TENM4: variants seen among roughly 807,000 people sequenced by gnomAD.
TENM4 encodes teneurin-4.
In TENM4, 82 loss-of-function variants were observed where a neutral mutation model predicts 243.3. That is an observed-to-expected ratio of 0.34 (90% CI 0.28 to 0.40). The LOEUF is 0.40. TENM4 is among the 10% of genes least tolerant of loss of function. The probability of loss-of-function intolerance (pLI) is 1.00; values close to 1 mark genes in which losing one functional copy is unlikely to be tolerated. For missense variants in TENM4, 3,138 were observed against 3,673.3 expected, an observed-to-expected ratio of 0.85 and a Z score of 3.77; for synonymous variants, 1,412 against 1,456.3, an observed-to-expected ratio of 0.97 and a Z score of 0.69.
chr11:78,924,673 G>A (rs2136397997), intron 6 of TENM4: 1 of 152,304 alleles, frequency 6.6e-6, no homozygotes, highest in Admixed American at 6.5e-5. Flanking sequence ...TTATGATGAT[G>A]ATAATGTTCG....
At position 79,409,103 on chromosome 11, in the gene TENM4, CGCGCGCGCGCGTGCGT is replaced by C. The variant is rs1858639967; in HGVS notation, c.-321+31390_-321+31405del. Among the ~76,000 whole-genome samples the C allele has an allele frequency of 1.3e-4, 7 of 55,236 alleles. No homozygotes were observed. In the South Asian group the frequency reaches 3.5e-3, roughly 28 times the overall value. The allele number at this position is 55,236 out of a possible 152,430, so 36.2% of individuals were successfully genotyped here. ...GTGTGTGTGTGTGTGTGTGTGTGTG[CGCGCGCGCGCGTGCGT>C]GCACGCGCACGCACATGCGTGAGAG... On this transcript the variant is annotated intron_variant, in intron 1 of 33. Transcript: ENST00000278550.
intron 15 of TENM4, among the ~76,000 whole-genome samples, chr11:78,787,389 T>C (rs1351442334): frequency 6.6e-6 from 1 of 152,210 alleles, no homozygotes; most frequent in African/African-American, 2.4e-5. Context: ...TGCTTCTCCT[T>C]CTTGCCAACC....
At chr11:79,401,417 T>C (rs1468319142) in intron 1 of TENM4, among the ~76,000 whole-genome samples, 2 of 152,218 alleles carry the variant, frequency 1.3e-5, no homozygotes, top group East Asian at 3.9e-4. Context: ...CTCTTTGAGA[T>C]GCAAAGGAAT....
intron 3 of TENM4, among the ~76,000 whole-genome samples, chr11:79,179,768 C>G (rs955235666): frequency 1.3e-4 from 20 of 151,760 alleles, no homozygotes; most frequent in African/African-American, 4.8e-4. Context: ...ATAGAAGGTG[C>G]TCAAAATAGT....
At chr11:79,246,021 G>C (rs1412818130) in intron 2 of TENM4, among the ~76,000 whole-genome samples, 1 of 150,032 alleles carries the variant, frequency 6.7e-6, no homozygotes, top group Non-Finnish European at 1.5e-5. Flanking sequence ...GTGAGTGAGA[G>C]AGAAAAAGAG....
intron 4 of TENM4, among the ~76,000 whole-genome samples, chr11:79,088,478 C>G (rs1860870217): frequency 6.6e-6 from 1 of 152,168 alleles, no homozygotes; most frequent in Non-Finnish European, 1.5e-5. Flanking sequence ...CGACTCCCAG[C>G]TCTGTGCGCC....
At chr11:78,892,215 G>T (rs1855684651) in intron 7 of TENM4, among the ~76,000 whole-genome samples, 1 of 152,200 alleles carries the variant, frequency 6.6e-6, no homozygotes, top group South Asian at 2.1e-4. Context: ...TCTCAACCAG[G>T]TCTGCTGAGT....
intron 5 of TENM4, among the ~76,000 whole-genome samples, chr11:79,068,665 G>T (rs1163246317): frequency 6.6e-6 from 1 of 152,184 alleles, no homozygotes; most frequent in African/African-American, 2.4e-5. Flanking sequence ...GCAAATCAGG[G>T]TGGGCTGCAC....
intron 4 of TENM4, among the ~76,000 whole-genome samples, chr11:79,077,181 C>G (rs1420685423): frequency 6.6e-6 from 1 of 152,114 alleles, no homozygotes; most frequent in Non-Finnish European, 1.5e-5. Flanking sequence ...CTGTGCCAAG[C>G]CTTGTTGGAG....
chr11:78,667,086 G>A (rs1488256514), intron 32 of TENM4, among the ~76,000 whole-genome samples: 1 of 152,154 alleles, frequency 6.6e-6, no homozygotes, highest in Non-Finnish European at 1.5e-5. Flanking sequence ...TAATGGAAAT[G>A]TCATCTCAAT....
intron 12 of TENM4, among the ~76,000 whole-genome samples, chr11:78,850,792 G>A (rs762514037): frequency 3.7e-4 from 57 of 152,150 alleles, no homozygotes; most frequent in Non-Finnish European, 6.0e-4. Flanking sequence ...CTATTTCTCT[G>A]TTTAATTTTC....
chr11:79,296,570 A>T (rs746255013), intron 2 of TENM4, among the ~76,000 whole-genome samples: 1 of 152,238 alleles, frequency 6.6e-6, no homozygotes, highest in Admixed American at 6.5e-5. Context: ...TCTCCCCAAC[A>T]TGATACTCAC....
At chr11:78,815,201 C>T (rs182866818) in intron 12 of TENM4, among the ~76,000 whole-genome samples, 69 of 152,236 alleles carry the variant, frequency 4.5e-4, no homozygotes, top group African/African-American at 1.6e-3. Context: ...GCCTGGCCAA[C>T]ATGGTGAATC....
At chr11:78,979,161 G>A (rs1191780110) in intron 6 of TENM4, among the ~76,000 whole-genome samples, 3 of 152,148 alleles carry the variant, frequency 2.0e-5, no homozygotes, top group Non-Finnish European at 4.4e-5. Flanking sequence ...TTGGAGGAGG[G>A]CAGTGCCAGC....
At chr11:78,765,369 C>T (rs1354773538) in intron 18 of TENM4, among the ~76,000 whole-genome samples, 2 of 152,158 alleles carry the variant, frequency 1.3e-5, no homozygotes, top group Non-Finnish European at 2.9e-5. Flanking sequence ...TGAAGGGTGA[C>T]CAAATTCTTT....
intron 6 of TENM4, among the ~76,000 whole-genome samples, chr11:79,046,652 A>G (rs747535763): frequency 2.6e-5 from 4 of 152,182 alleles, no homozygotes; most frequent in Non-Finnish European, 5.9e-5. Flanking sequence ...AAACCGTGTC[A>G]CAATCCAGGC....
At chr11:78,662,913 C>T (rs1210003858) in intron 32 of TENM4, among the ~76,000 whole-genome samples, 2 of 88,528 alleles carry the variant, frequency 2.3e-5, no homozygotes, top group Non-Finnish European at 6.7e-5. Context: ...TGCCATTTTT[C>T]TCAGGCACTG....
Position 79,064,823 on chromosome 11 carries a change from T to C in TENM4, c.408A>G (p.Thr136=). The change falls in exon 6 of 34, where the codon ACA becomes ACG. Residue 136 remains threonine (T), a synonymous_variant. Transcript: ENST00000278550. ...ACAGGCAGGAGCTGCGCCCTGACCG[T>C]GTGCTCCGGCCCCACAGACGCACGG... ...EHPVRLWGRS[T]RSGRSSCLSS... is the part of the protein sequence containing the mutation. 1 of 1,551,450 alleles carries C rather than the reference T, an allele frequency of 6.4e-7. No individual in the cohort carries two copies. Among genetic ancestry groups the C allele is most frequent in the Non-Finnish European group, 8.7e-7 (1 of 1,146,974 alleles).
chr11:78,804,784 GA>G (rs1857354522), intron 15 of TENM4, among the ~76,000 whole-genome samples: 1 of 152,162 alleles, frequency 6.6e-6, no homozygotes, highest in South Asian at 2.1e-4. Flanking sequence ...TACCCTCATG[GA>G]GCTTAGTGAC....
Sources: gnomAD v4.1 joint callset for allele counts (sites outside exome capture counted in the v4.1 genomes callset) on GRCh38, gnomAD v4.1.1 for gene constraint, MANE v1.5 for transcripts, NCBI Gene and HGNC (gene_info 2026-07-23, HGNC 2026-07-21) for gene names.